The following MKS1 variants were observed in gnomAD, a reference collection of about 807,000 sequenced individuals.
The protein encoded by MKS1 is MKS transition zone complex subunit 1, also known as tectonic-like complex member MKS1.
MKS1 carries 70 observed loss-of-function variants against 83.7 expected under a neutral mutation model. The observed-to-expected ratio is 0.84, with a 90% CI of 0.69 to 1.02. The LOEUF (loss-of-function observed/expected upper bound fraction) is 1.02. Ranked by LOEUF, MKS1 falls within the 50% of genes least tolerant of loss-of-function variation. The probability of loss-of-function intolerance (pLI) is 0.00; values close to 1 mark genes in which losing one functional copy is unlikely to be tolerated. For missense variants in MKS1, 681 were observed against 726.9 expected (o/e 0.94, Z 0.73); for synonymous variants, 251 against 273.4 (o/e 0.92, Z 0.81).
intron 9 of MKS1, 81 bp downstream of exon 9, chr17:58,212,297 G>T: frequency 6.6e-7 from 1 of 1,508,742 alleles, no homozygotes; most frequent in South Asian, 1.1e-5. Flanking sequence ...GGGCCTTTAA[G>T]AGAGGTAGTG....
In MKS1 at chr17:58,219,246, C is replaced by T. The variant is rs1207957123; in HGVS notation, c.-16G>A. 3.2e-6 allele frequency: 5 copies of T among 1,549,712 alleles called. No homozygotes were observed. Among genetic ancestry groups the T allele is most frequent in the Non-Finnish European group, 4.4e-6 (5 of 1,146,776 alleles). On this transcript the variant is annotated 5_prime_UTR_variant, in exon 1 of 18. Transcript: ENST00000393119. ...TCTCCGCCATGACAGCTGCGACGCG[C>T]CGCGACTGCGCCGGAAAGCGCGCCG...
In MKS1 at chr17:58,207,995, A is replaced by G; in HGVS notation, c.1172T>C (p.Leu391Pro). ...FLHEDESSDA[L>P]PEWPVLYCEV... is the part of the protein sequence containing the mutation. The stretch of plus-strand genomic sequence containing the variant: ...ACAGTAGAGCACAGGCCACTCCGGG[A>G]GTGCATCTGGGAGCAAGGAGAGAAG... The change falls in exon 14 of 18, where the codon CTC becomes CCC. Residue 391 changes from leucine (L) to proline (P), a missense_variant. Around this residue, in one of 3 missense-constraint regions of MKS1, gnomAD observed 310 missense variants for 321.7 expected, o/e 0.96. Transcript: ENST00000393119. 1 of 1,613,482 alleles carries G rather than the reference A, an allele frequency of 6.2e-7. No individual in the cohort carries two copies. The highest frequency in any genetic ancestry group is 8.5e-7 in the Non-Finnish European group (1 of 1,179,620).
At chr17:58,208,396 G>A (rs999314413) in intron 12 of MKS1, 117 bp downstream of exon 12, 7 of 1,251,486 alleles carry the variant, frequency 5.6e-6, no homozygotes, top group Non-Finnish European at 8.0e-6. Context: ...CCACACACAA[G>A]TCACCCAACT....
rs117481248 is a variant in MKS1, at chr17:58,210,083, G to C, written c.1024+576C>G. Reference sequence around the variant, plus strand: ...ACTCAGTAGATGACACTGCCATTCTGTTAGGATGGGGAAGACCAGGGAGGA... The same window carrying C: ...ACTCAGTAGATGACACTGCCATTCTCTTAGGATGGGGAAGACCAGGGAGGA... On this transcript the variant is annotated intron_variant, in intron 11 of 17. Transcript: ENST00000393119. Among the ~76,000 whole-genome samples the C allele has an allele frequency of 7.2e-5, 11 of 152,300 alleles. No homozygotes were observed. The East Asian group carries it at 2.1e-3, about 29-fold the overall frequency.
rs1479186572 is a variant in MKS1 at position 58,219,139 on chromosome 17, C to T, written c.80+12G>A. The T allele has an allele frequency of 6.4e-7, 1 of 1,550,900 alleles. No individual in the cohort carries two copies. The highest frequency in any genetic ancestry group is 8.7e-7 in the Non-Finnish European group (1 of 1,146,954). ...AAAGCATGGGGCCTCGGGGCTGGGG[C>T]GGTGCGACTACCGGAGGCGCAAGTT... On this transcript the variant is annotated intron_variant, in intron 1 of 17. Coordinates refer to ENST00000393119, the MANE Select transcript of MKS1 (RefSeq NM_017777.4).
At chr17:58,218,767 G>A (rs754391380) in intron 1 of MKS1, 38 bp from the exon 2 acceptor site, 95 of 1,516,388 alleles carry the variant, frequency 6.3e-5, no homozygotes, top group Non-Finnish European at 2.7e-5. Flanking sequence ...TACCAGACAC[G>A]CAACCAGGAG....
rs779093781 is a variant in MKS1, at chr17:58,206,161, C to A, written c.1598G>T (p.Arg533Leu). The change falls in exon 18 of 18, where the codon CGT becomes CTT. Residue 533 changes from arginine to leucine, a missense_variant. Physicochemically the swap from Arg to Leu is moderately radical, Grantham distance 102. Coordinates refer to ENST00000393119, the MANE Select transcript of MKS1 (RefSeq NM_017777.4). ...CTCCTGCATGCGGCGCCGGGCTCGA[C>A]GGAAGGCCTCTGTAAGGAAAGGAGA... Reference protein sequence around the residue: ...SSIHNVLEAFRRARRRMQEAR... With the variant: ...SSIHNVLEAFLRARRRMQEAR... 27 of 1,613,816 alleles carry A rather than the reference C, an allele frequency of 1.7e-5. No individual in the cohort carries two copies. The highest frequency in any genetic ancestry group is 2.2e-5 in the Non-Finnish European group (26 of 1,179,972).
At chr17:58,217,070 ACCT>A (rs1969263408) in intron 2 of MKS1, among the ~76,000 whole-genome samples, 2 of 152,056 alleles carry the variant, frequency 1.3e-5, no homozygotes, top group Admixed American at 6.5e-5. Context: ...GCTCACTGCA[ACCT>A]CCTCTTCCTG....
At position 58,210,716 on chromosome 17, in the gene MKS1, G is replaced by C. The variant is rs1968823492; in HGVS notation, c.967C>G (p.Gln323Glu). ...LFVNGEVVSA[Q>E]GYEYDNLYVH... ...TAGAGATTGTCATACTCATAGCCTT[G>C]GGCTGAAACTACGAGAGAAAACAGG... The change falls in exon 11 of 18, where the codon CAA becomes GAA. Residue 323 changes from glutamine to glutamate, a missense_variant. Coordinates refer to ENST00000393119, the MANE Select transcript of MKS1 (RefSeq NM_017777.4). The C allele has an allele frequency of 6.2e-7, 1 of 1,613,976 alleles. No individual in the cohort carries two copies. Among genetic ancestry groups the C allele is most frequent in the Admixed American group, 1.7e-5 (1 of 60,008 alleles).
In MKS1 at chr17:58,207,363, A is replaced by G. The variant is rs1387876980; in HGVS notation, c.1274-145T>C. 1.1e-5 allele frequency: 12 copies of G among 1,087,250 alleles called. No individual in the cohort carries two copies. The Admixed American group carries it at 2.6e-4, about 23-fold the overall frequency. 67.4% of individuals were successfully genotyped at this position (1,087,250 alleles called of 1,614,324 possible). Reference sequence around the variant, plus strand: ...GCCTCTGGTGCAGGTTATCATGGTTACCCATAGCACCTGTATGGAAATCAA... The same window carrying G: ...GCCTCTGGTGCAGGTTATCATGGTTGCCCATAGCACCTGTATGGAAATCAA... On this transcript the variant is annotated intron_variant, in intron 14 of 17. Transcript: ENST00000393119.
chr17:58,218,412 C>A, intron 2 of MKS1: 1 of 403,808 alleles, frequency 2.5e-6, no homozygotes, highest in East Asian at 5.5e-5. Flanking sequence ...AGCGACACTG[C>A]ACTTCAGCCT....
rs2143738492 is a variant in MKS1 at position 58,206,545 on chromosome 17, C to T, written c.1410G>A (p.Gly470=). The change falls in exon 16 of 18, where the codon GGG becomes GGA. Residue 470 remains glycine (G), a splice_region_variant and synonymous_variant. Transcript: ENST00000393119. Reference sequence around the variant, plus strand: ...GGAGTCCAAAGCGGCTCAGGCGTTCCCCCTGTGGCATGCCATTGGGACAGC... The same window carrying T: ...GGAGTCCAAAGCGGCTCAGGCGTTCTCCCTGTGGCATGCCATTGGGACAGC... The part of the protein sequence containing the change: ...SYVRIPGSFK[G]ERLSRFGLRT... 1 of 1,612,264 alleles carries T rather than the reference C, an allele frequency of 6.2e-7. No individual in the cohort carries two copies. Among genetic ancestry groups the T allele is most frequent in the Middle Eastern group, 1.7e-4 (1 of 6,060 alleles).
intron 4 of MKS1, 72 bp from the exon 5 acceptor site, chr17:58,214,910 T>G (rs1969103872): frequency 6.5e-7 from 1 of 1,538,594 alleles, no homozygotes; most frequent in East Asian, 2.5e-5. Flanking sequence ...TGAAGGGAAG[T>G]CTTCCTCCTG....
intron 2 of MKS1, among the ~76,000 whole-genome samples, chr17:58,217,549 C>G (rs1248230487): frequency 2.6e-5 from 4 of 152,186 alleles, no homozygotes; most frequent in Non-Finnish European, 5.9e-5. Flanking sequence ...TGACTCACGC[C>G]TGTAATCCCA....
chr17:58,214,171 A>G, intron 6 of MKS1, 88 bp downstream of exon 6: 1 of 1,589,138 alleles, frequency 6.3e-7, no homozygotes, highest in Non-Finnish European at 8.6e-7. Context: ...CCTCCCCTAT[A>G]ACCTAGGATG....
In MKS1 at chr17:58,206,585, C is replaced by G. The variant is rs369698284; in HGVS notation, c.1408-38G>C. On this transcript the variant is annotated intron_variant, in intron 15 of 17. Transcript: ENST00000393119. The stretch of plus-strand genomic sequence containing the variant: ...ATTGGGACAGCCTCAGGTTTCTGCT[C>G]TCTCTAGACACCCCCGCACCATGCT... 232 of 1,576,714 alleles carry G rather than the reference C, an allele frequency of 1.5e-4. 1 individual carries two copies. The highest frequency in any genetic ancestry group is 1.8e-4 in the Non-Finnish European group (208 of 1,153,048).
In MKS1 at chr17:58,214,804, A is replaced by G. The variant is rs778584579; in HGVS notation, c.452T>C (p.Val151Ala). 2.2e-5 allele frequency: 35 copies of G among 1,606,028 alleles called. No homozygotes were observed. The highest frequency in any genetic ancestry group is 2.8e-5 in the Non-Finnish European group (33 of 1,179,720). ...CATTCGCTCGACCAAGAATGAAGGC[A>G]CCTCGCTGGCTGCAGTGGTCATTCT... ...CQRMTTAASE[V>A]PSFLVERMAN... is the part of the protein sequence containing the mutation. Residue 151 changes from valine to alanine, a missense_variant, in exon 5 of 18, where the codon GTG becomes GCG. Transcript: ENST00000393119.
Position 58,216,650 on chromosome 17 carries a change from A to G in MKS1, c.261+16T>C, listed in dbSNP as rs780663622. ...CCAGATGGAATAGACAGAGAAGACA[A>G]GAGACACTGGCTCACCTGGCTAAAG... On this transcript the variant is annotated intron_variant, in intron 3 of 17. Transcript: ENST00000393119. 1.2e-6 allele frequency: 2 copies of G among 1,613,548 alleles called. No homozygotes were observed. Among genetic ancestry groups the G allele is most frequent in the South Asian group, 2.2e-5 (2 of 91,032 alleles).
In MKS1 at chr17:58,216,612, A is replaced by G; in HGVS notation, c.261+54T>C. 2.5e-6 allele frequency: 4 copies of G among 1,570,064 alleles called. No individual in the cohort carries two copies. In the South Asian group the frequency reaches 3.3e-5, roughly 13 times the overall value. ...ACTTTGGCAATATGTATCACCAGCCATGTGGAGGTAGACCAGATGGAATAG... is the reference window on the plus strand; with the variant it reads ...ACTTTGGCAATATGTATCACCAGCCGTGTGGAGGTAGACCAGATGGAATAG... On this transcript the variant is annotated intron_variant, in intron 3 of 17. Coordinates refer to ENST00000393119, the MANE Select transcript of MKS1 (RefSeq NM_017777.4).
Sources: gnomAD v4.1 joint callset for allele counts (sites outside exome capture counted in the v4.1 genomes callset) on GRCh38, gnomAD v4.1.1 for gene constraint, gnomAD v4.1.1 regional missense constraint, MANE v1.5 for transcripts, NCBI Gene and HGNC (gene_info 2026-07-23, HGNC 2026-07-21) for gene names.